Variants in KLC1 observed in about 807,000 individuals in gnomAD.
The protein encoded by KLC1 is kinesin light chain 1, also known as kinesin 2 60/70kDa.
KLC1 carries 30 observed loss-of-function variants against 84.2 expected under a neutral mutation model. That is an observed-to-expected ratio of 0.36 (90% CI 0.27 to 0.48). KLC1 has a LOEUF of 0.48. Among genes scored for constraint, KLC1 ranks in the 20% least tolerant of loss-of-function variants. The probability of loss-of-function intolerance (pLI) is 0.99; values close to 1 mark genes in which losing one functional copy is unlikely to be tolerated. For synonymous variants in KLC1, 289 were observed against 293.3 expected (o/e 0.99, Z 0.15); for missense variants, 499 against 805.4 (o/e 0.62, Z 4.60).
chr14:103,676,499 C>T (rs1401390906), intron 11 of KLC1, among the ~76,000 whole-genome samples: 2 of 152,136 alleles, frequency 1.3e-5, no homozygotes, highest in Non-Finnish European at 2.9e-5. Flanking sequence ...CTCCTGACCT[C>T]AGGTGATCCA....
intron 14 of KLC1, among the ~76,000 whole-genome samples, chr14:103,691,153 C>A (rs548920671): frequency 5.9e-5 from 7 of 118,292 alleles, no homozygotes; most frequent in South Asian, 3.0e-4. Context: ...TGGTTCCCCC[C>A]ACTTTTTTTT....
chr14:103,682,043 T>C (rs910579752), intron 13 of KLC1, among the ~76,000 whole-genome samples: 5 of 152,026 alleles, frequency 3.3e-5, no homozygotes, highest in Admixed American at 3.3e-4. Context: ...TGCAATTAAG[T>C]TAAAATAGAG....
At chr14:103,660,341 C>G (rs1176509272) in intron 3 of KLC1, among the ~76,000 whole-genome samples, 1 of 151,836 alleles carries the variant, frequency 6.6e-6, no homozygotes, top group Non-Finnish European at 1.5e-5. Context: ...ATTAGCCAAG[C>G]ATGGTGGCAC....
chr14:103,647,598 C>T (rs1463969400), intron 1 of KLC1, among the ~76,000 whole-genome samples: 1 of 151,888 alleles, frequency 6.6e-6, no homozygotes, highest in Non-Finnish European at 1.5e-5. Context: ...GATGGCATGG[C>T]CAGGCATGGT....
At chr14:103,667,428 G>A (rs2079961533) in intron 5 of KLC1, among the ~76,000 whole-genome samples, 1 of 150,222 alleles carries the variant, frequency 6.7e-6, no homozygotes, top group African/African-American at 2.5e-5. Context: ...TTTTTAAATT[G>A]CATTTGCTAC....
Position 103,669,505 on chromosome 14 carries a change from A to T in KLC1, c.798-6A>T. On this transcript the variant is annotated splice_region_variant and splice_polypyrimidine_tract_variant and intron_variant, in intron 5 of 16. Coordinates refer to ENST00000334553, the MANE Select transcript of KLC1 (RefSeq NM_001394837.1). ...TGAAACACTTAATGTGTGTTTTTCC[A>T]TTTAGGGATCAGAATAAATACAAAG... The T allele has an allele frequency of 6.4e-7, 1 of 1,559,092 alleles. No homozygotes were observed. Among genetic ancestry groups the T allele is most frequent in the Non-Finnish European group, 8.8e-7 (1 of 1,131,294 alleles).
rs758515939 is a variant in KLC1 at position 103,654,829 on chromosome 14, C to T, written c.261+4C>T. 1.5e-5 allele frequency: 24 copies of T among 1,612,206 alleles called. No homozygotes were observed. Among genetic ancestry groups the T allele is most frequent in the South Asian group, 1.1e-4 (10 of 90,872 alleles). ...GCTCGGCCTGAGTGAGGCACAGGTA[C>T]GAGTGAGAATGACTCAGACGTTATC... On this transcript the variant is annotated splice_donor_region_variant and intron_variant, in intron 2 of 16. Coordinates refer to ENST00000334553, the MANE Select transcript of KLC1 (RefSeq NM_001394837.1).
In KLC1 at chr14:103,648,107, C is replaced by T. The variant is rs144578603; in HGVS notation, c.-1-6457C>T. Among the ~76,000 whole-genome samples the T allele has an allele frequency of 1.2e-4, 18 of 151,720 alleles. 1 individual carries two copies. The highest frequency in any genetic ancestry group is 3.4e-4 in the African/African-American group (14 of 41,480). ...CTGGGACTACAGGTGCACGCCACCACGCCTGGCTAATTTTTGTATTTTTAT... is the reference window on the plus strand; with the variant it reads ...CTGGGACTACAGGTGCACGCCACCATGCCTGGCTAATTTTTGTATTTTTAT... On this transcript the variant is annotated intron_variant, in intron 1 of 16. Transcript: ENST00000334553.
At chr14:103,641,626 T>C (rs1377839629) in intron 1 of KLC1, among the ~76,000 whole-genome samples, 1 of 152,156 alleles carries the variant, frequency 6.6e-6, no homozygotes, top group Non-Finnish European at 1.5e-5. Context: ...AGACAGAGTC[T>C]GTCTCTGTTG....
At chr14:103,670,333 T>G in intron 7 of KLC1, 50 bp downstream of exon 7, 6 of 1,330,002 alleles carry the variant, frequency 4.5e-6, no homozygotes, top group Non-Finnish European at 3.1e-6. Flanking sequence ...GTTTTGTGTG[T>G]GTGTGGTTTT....
chr14:103,637,969 A>G (rs1595235267), intron 1 of KLC1, among the ~76,000 whole-genome samples: 1 of 151,976 alleles, frequency 6.6e-6, no homozygotes, highest in African/African-American at 2.4e-5. Flanking sequence ...GGGATTACAG[A>G]CGTAAGCCAC....
At chr14:103,630,667 T>C (rs2076604048) in intron 1 of KLC1, among the ~76,000 whole-genome samples, 1 of 152,210 alleles carries the variant, frequency 6.6e-6, no homozygotes, top group Non-Finnish European at 1.5e-5. Context: ...CCTTGCTTCT[T>C]TCAGGGATTG....
intron 1 of KLC1, among the ~76,000 whole-genome samples, chr14:103,638,656 ATTTTT>A (rs57470429): frequency 1.9e-4 from 19 of 100,112 alleles, no homozygotes; most frequent in Non-Finnish European, 2.4e-4. Flanking sequence ...CATTTCATTA[ATTTTT>A]TTTTTTTTTT....
chr14:103,679,774 T>C lies in KLC1; in HGVS notation c.1650+229T>C, dbSNP rs1049247745. On this transcript the variant is annotated intron_variant, in intron 13 of 16. Coordinates refer to ENST00000334553, the MANE Select transcript of KLC1 (RefSeq NM_001394837.1). ...AGCTGTTTGGCTTAACTTTGAGCAC[T>C]TAAATGCTGATTGAGTGTCCTGGCT... is the stretch of plus-strand genomic sequence containing the variant. The C allele has an allele frequency of 1.8e-5, 9 of 493,412 alleles. 1 individual carries two copies. The Middle Eastern group carries it at 1.2e-3, about 64-fold the overall frequency. The allele number at this position is 493,412 out of a possible 1,614,324, so 30.6% of individuals were successfully genotyped here. A position where few individuals can be genotyped will look rare whatever the true frequency, so the allele number is the denominator to read the frequency against.
chr14:103,648,005 C>T (rs2078089574), intron 1 of KLC1, among the ~76,000 whole-genome samples: 1 of 151,442 alleles, frequency 6.6e-6, no homozygotes, highest in African/African-American at 2.4e-5. Flanking sequence ...GGCTGGAGTG[C>T]AGTGGCGCGA....
chr14:103,700,428 T>C (rs2083072715), intron 15 of KLC1: 1 of 464,312 alleles, frequency 2.2e-6, no homozygotes, highest in Non-Finnish European at 3.8e-6. Context: ...TGGTGAGCCA[T>C]GGTGATGGGG....
chr14:103,675,526 C>G (rs1347723324), intron 9 of KLC1, 26 bp from the exon 10 acceptor site: 1 of 1,603,878 alleles, frequency 6.2e-7, no homozygotes, highest in African/African-American at 1.3e-5. Context: ...GGATGCTCAA[C>G]CTGTATGCTG....
chr14:103,669,874 A>G (rs1182534128), intron 6 of KLC1, among the ~76,000 whole-genome samples: 1 of 152,164 alleles, frequency 6.6e-6, no homozygotes, highest in East Asian at 1.9e-4. Context: ...TGAAAATTAT[A>G]TTGTCTTCAT....
chr14:103,677,353 G>C, intron 11 of KLC1, 62 bp from the exon 12 acceptor site: 1 of 940,704 alleles, frequency 1.1e-6, no homozygotes, highest in East Asian at 2.4e-5. Context: ...ATTATGTGCT[G>C]TTGATAGTGG....
Sources: allele counts gnomAD v4.1 joint callset (sites outside exome capture counted in the v4.1 genomes callset), GRCh38; gene constraint gnomAD v4.1.1; transcripts MANE v1.5; gene names NCBI Gene and HGNC (gene_info 2026-07-23, HGNC 2026-07-21).